Variants in TMEM131 observed in about 807,000 individuals in gnomAD.
The protein encoded by TMEM131 is 2610524E03Rik.
Under a neutral mutation model 211.6 loss-of-function variants are expected in TMEM131, and 66 were observed. The ratio of observed to expected loss-of-function variants is 0.31; its 90% CI spans 0.26 to 0.38. The LOEUF (loss-of-function observed/expected upper bound fraction) is 0.38, where lower values mean the gene tolerates loss of function less well. Ranked by LOEUF, TMEM131 falls within the 10% of genes least tolerant of loss-of-function variation. The pLI is 1.00. For synonymous variants in TMEM131, 844 were observed against 841.3 expected, an observed-to-expected ratio of 1.00 and a Z score of -0.06; for missense variants, 2,036 against 2,299.3, an observed-to-expected ratio of 0.89 and a Z score of 2.34.
chr2:97,923,432 G>T (rs1363192954), intron 2 of TMEM131, among the ~76,000 whole-genome samples: 2 of 151,954 alleles, frequency 1.3e-5, no homozygotes, highest in South Asian at 4.2e-4. Flanking sequence ...AGACCAGCCT[G>T]GGCAACATAG....
At chr2:97,759,166 AC>A in intron 39 of TMEM131, 113 bp from the exon 40 acceptor site, 1 of 1,308,806 alleles carries the variant, frequency 7.6e-7, no homozygotes, top group East Asian at 2.3e-5. Context: ...GAGCCACCAC[AC>A]CCACTTCACC....
intron 4 of TMEM131, among the ~76,000 whole-genome samples, chr2:97,861,552 C>A (rs1674068468): frequency 6.6e-6 from 1 of 151,880 alleles, no homozygotes; most frequent in African/African-American, 2.4e-5. Flanking sequence ...AGCCCTTGGG[C>A]TTTAAGTGAA....
At chr2:97,958,493 C>T (rs929045548) in intron 1 of TMEM131, among the ~76,000 whole-genome samples, 1 of 152,164 alleles carries the variant, frequency 6.6e-6, no homozygotes, top group African/African-American at 2.4e-5. Flanking sequence ...AGTTCTTGGA[C>T]CACTGCATTA....
intron 11 of TMEM131, among the ~76,000 whole-genome samples, chr2:97,830,151 A>AC (rs1274878374): frequency 2.0e-5 from 3 of 150,904 alleles, no homozygotes; most frequent in Admixed American, 6.6e-5. Flanking sequence ...AAAAAAAAAA[A>AC]AAAAACCAAA....
intron 3 of TMEM131, among the ~76,000 whole-genome samples, chr2:97,906,823 C>T (rs1277886441): frequency 6.6e-6 from 1 of 152,114 alleles, no homozygotes; most frequent in African/African-American, 2.4e-5. Context: ...CTTTGCTGTC[C>T]CCTGCCTGAA....
At chr2:97,882,168 T>C (rs1674963541) in intron 4 of TMEM131, among the ~76,000 whole-genome samples, 1 of 152,246 alleles carries the variant, frequency 6.6e-6, no homozygotes, top group Non-Finnish European at 1.5e-5. Context: ...GGAACCTCTT[T>C]GTTTGTATCT....
At position 97,759,204 on chromosome 2, in the gene TMEM131, G is replaced by A. The variant is rs1559339341; in HGVS notation, c.5207-151C>T. On this transcript the variant is annotated intron_variant, in intron 39 of 40. Coordinates refer to ENST00000186436, the MANE Select transcript of TMEM131 (RefSeq NM_015348.2). ...GCCCACCACAGCCCAGAGGAAGTAG[G>A]GGCAGGAGTGTCCTCCAGAACTCAA... The A allele has an allele frequency of 3.3e-6, 3 of 910,054 alleles. No individual in the cohort carries two copies. In the South Asian group the frequency reaches 4.7e-5, roughly 14 times the overall value. 56.4% of individuals were successfully genotyped at this position (910,054 alleles called of 1,614,324 possible). A position where few individuals can be genotyped will look rare whatever the true frequency, so the allele number is the denominator to read the frequency against.
At chr2:97,948,447 T>C (rs1288870281) in intron 1 of TMEM131, among the ~76,000 whole-genome samples, 1 of 152,018 alleles carries the variant, frequency 6.6e-6, no homozygotes, top group Non-Finnish European at 1.5e-5. Context: ...AGAGGGCACA[T>C]GAAAAGATGC....
At position 97,927,931 on chromosome 2, in the gene TMEM131, A is replaced by G. The variant is rs577064717; in HGVS notation, c.188-444T>C. Among the ~76,000 whole-genome samples, 4 of 152,298 alleles carry G rather than the reference A, an allele frequency of 2.6e-5. No homozygotes were observed. In the South Asian group the frequency reaches 8.3e-4, roughly 32 times the overall value. On this transcript the variant is annotated intron_variant, in intron 1 of 40. Transcript: ENST00000186436. ...AGTGATGATATGACCTGGGATCCAC[A>G]GTCAAAGGGATTTGGTGAGGAAGTG...
At position 97,760,895 on chromosome 2, in the gene TMEM131, G is replaced by A. The variant is rs527939221; in HGVS notation, c.4909C>T (p.Pro1637Ser). The A allele has an allele frequency of 6.2e-7, 1 of 1,613,980 alleles. No individual in the cohort carries two copies. Among genetic ancestry groups the A allele is most frequent in the South Asian group, 1.1e-5 (1 of 91,078 alleles). The change falls in exon 37 of 41, where the codon CCA (proline) becomes TCA (serine). Residue 1637 changes from proline to serine, a missense_variant. Pro to Ser is a moderately conservative substitution (Grantham distance 74). Transcript: ENST00000186436. ...SSSSDPKIKQ[P>S]NGSKHKLTKA... ...GTCAACTTGTGTTTGCTTCCATTTG[G>A]CTGTTTTATTTTAGGGTCACTTGAA...
chr2:97,828,124 G>A (rs572801281), intron 11 of TMEM131, among the ~76,000 whole-genome samples: 1 of 152,254 alleles, frequency 6.6e-6, no homozygotes, highest in African/African-American at 2.4e-5. Flanking sequence ...ATTGAGTTGT[G>A]AACTGGTGGG....
chr2:97,938,340 C>A (rs904960605), intron 1 of TMEM131, among the ~76,000 whole-genome samples: 42 of 152,022 alleles, frequency 2.8e-4, no homozygotes, highest in Non-Finnish European at 5.1e-4. Flanking sequence ...GAAAATCTGC[C>A]AAGCAAATGG....
chr2:97,931,732 T>A (rs1294920251), intron 1 of TMEM131, among the ~76,000 whole-genome samples: 1 of 152,150 alleles, frequency 6.6e-6, no homozygotes, highest in Non-Finnish European at 1.5e-5. Context: ...TTTTTAAACT[T>A]TCTTCTACAA....
At chr2:97,796,185 G>A in intron 28 of TMEM131, 33 bp downstream of exon 28, 1 of 1,284,842 alleles carries the variant, frequency 7.8e-7, no homozygotes, top group Non-Finnish European at 1.1e-6. Context: ...AGGAAAGTTA[G>A]TGATTCATTA....
Position 97,818,636 on chromosome 2 carries a change from T to C in TMEM131, c.1160A>G (p.Lys387Arg). The change falls in exon 12 of 41, where the codon AAG becomes AGG. Residue 387 changes from lysine to arginine, a missense_variant. Lys to Arg is a conservative substitution (Grantham distance 26). Around this residue, in one of 3 missense-constraint regions of TMEM131, gnomAD observed 277 missense variants for 378.0 expected, o/e 0.73. Coordinates refer to ENST00000186436, the MANE Select transcript of TMEM131 (RefSeq NM_015348.2). ...GCCATCAAAACTAATGCTTGCAACC[T>C]TGGTGTATTTACTTTCTGATGCTTT... ...TLKASESKYT[K>R]VASISFDASK... 1 of 1,604,422 alleles carries C rather than the reference T, an allele frequency of 6.2e-7. No individual in the cohort carries two copies. Among genetic ancestry groups the C allele is most frequent in the African/African-American group, 1.3e-5 (1 of 74,940 alleles).
intron 1 of TMEM131, among the ~76,000 whole-genome samples, chr2:97,989,721 C>T (rs1352049444): frequency 1.3e-5 from 2 of 152,172 alleles, no homozygotes; most frequent in Admixed American, 6.5e-5. Flanking sequence ...AACATCAAAC[C>T]TCTGCCCTAA....
intron 1 of TMEM131, among the ~76,000 whole-genome samples, chr2:97,972,190 T>G (rs1679326570): frequency 6.6e-6 from 1 of 151,996 alleles, no homozygotes; most frequent in Middle Eastern, 3.4e-3. Context: ...AAACACAAGG[T>G]CAGAAACAGT....
chr2:97,931,486 A>C (rs2104456332), intron 1 of TMEM131, among the ~76,000 whole-genome samples: 1 of 152,362 alleles, frequency 6.6e-6, no homozygotes, highest in African/African-American at 2.4e-5. Flanking sequence ...TTTTAGGTGA[A>C]GGTATTTTTC....
intron 2 of TMEM131, among the ~76,000 whole-genome samples, chr2:97,920,793 A>G (rs371056857): frequency 6.6e-6 from 1 of 152,230 alleles, no homozygotes; most frequent in Non-Finnish European, 1.5e-5. Context: ...AAATAAATCT[A>G]TCGAAAGATG....
Sources: allele counts gnomAD v4.1 joint callset (sites outside exome capture counted in the v4.1 genomes callset), GRCh38; gene constraint gnomAD v4.1.1; regional missense constraint gnomAD v4.1.1; transcripts MANE v1.5; gene names NCBI Gene and HGNC (gene_info 2026-07-23, HGNC 2026-07-21).